RBFOX1: variants seen among roughly 807,000 people sequenced by gnomAD.
The protein encoded by RBFOX1 is RNA binding protein fox-1 homolog 1.
Under a neutral mutation model 57.7 loss-of-function variants are expected in RBFOX1, and 8 were observed. The ratio of observed to expected loss-of-function variants is 0.14; its 90% confidence interval spans 0.08 to 0.25. RBFOX1 has a LOEUF of 0.25. Among genes scored for constraint, RBFOX1 ranks in the 10% least tolerant of loss-of-function variants. The pLI is 1.00. For missense variants in RBFOX1, 611 were observed against 548.5 expected, an observed-to-expected ratio of 1.11 and a Z score of -1.14; for synonymous variants, 326 against 222.4, an observed-to-expected ratio of 1.47 and a Z score of -4.15.
chr16:5,923,530 C>CTTTT (rs71404564), intron 4 of RBFOX1, among the ~76,000 whole-genome samples: 38 of 109,362 alleles, frequency 3.5e-4, no homozygotes, highest in African/African-American at 5.2e-4. Context: ...CAGAGCCAGG[C>CTTTT]TTTTTTTTTT....
chr16:5,703,911 A>G (rs2051143554), intron 3 of RBFOX1, among the ~76,000 whole-genome samples: 1 of 152,186 alleles, frequency 6.6e-6, no homozygotes, highest in Non-Finnish European at 1.5e-5. Flanking sequence ...TCAAAATTTT[A>G]CAGAAATTTA....
intron 2 of RBFOX1, among the ~76,000 whole-genome samples, chr16:5,531,277 G>A (rs1456233598): frequency 6.6e-6 from 1 of 152,188 alleles, no homozygotes; most frequent in Non-Finnish European, 1.5e-5. Flanking sequence ...GTGGGAAGGA[G>A]CATGTATCTT....
chr16:5,616,998 G>A (rs942643970), intron 3 of RBFOX1, among the ~76,000 whole-genome samples: 22 of 151,726 alleles, frequency 1.4e-4, no homozygotes, highest in African/African-American at 4.6e-4. Flanking sequence ...ACTGGCCGGA[G>A]GGCAGTTCCT....
intron 1 of RBFOX1, among the ~76,000 whole-genome samples, chr16:6,101,549 T>C (rs915456448): frequency 1.4e-4 from 21 of 152,226 alleles, no homozygotes; most frequent in Non-Finnish European, 1.3e-4. Context: ...TGCAATGATG[T>C]GATCTTGGCA....
chr16:5,989,761 A>G (rs1458686560), intron 4 of RBFOX1, among the ~76,000 whole-genome samples: 1 of 151,222 alleles, frequency 6.6e-6, no homozygotes, highest in East Asian at 2.0e-4. Context: ...GGTCATGAGA[A>G]TGATCCTGGG....
At chr16:6,010,571 G>A (rs1318319204) in intron 4 of RBFOX1, among the ~76,000 whole-genome samples, 1 of 152,140 alleles carries the variant, frequency 6.6e-6, no homozygotes, top group Non-Finnish European at 1.5e-5. Flanking sequence ...TTATCTCATG[G>A]TCGACTTCTG....
chr16:5,830,266 C>T (rs994950210), intron 3 of RBFOX1, among the ~76,000 whole-genome samples: 8 of 152,242 alleles, frequency 5.3e-5, no homozygotes, highest in African/African-American at 1.4e-4. Flanking sequence ...CTTTCCTATG[C>T]ATTTTATGAT....
chr16:5,420,956 C>A (rs1431367927), intron 1 of RBFOX1, among the ~76,000 whole-genome samples: 1 of 130,654 alleles, frequency 7.7e-6, no homozygotes, highest in African/African-American at 3.0e-5. Flanking sequence ...TGCTTTTCCT[C>A]CTCCTCCTTT....
chr16:7,201,573 C>G (rs144154719), intron 4 of RBFOX1, among the ~76,000 whole-genome samples: 1 of 152,026 alleles, frequency 6.6e-6, no homozygotes. Flanking sequence ...AACGATTTTC[C>G]TGCCTCAGCC....
At chr16:7,118,293 A>AGGT (rs1227216749) in intron 4 of RBFOX1, among the ~76,000 whole-genome samples, 1 of 152,100 alleles carries the variant, frequency 6.6e-6, no homozygotes, top group Non-Finnish European at 1.5e-5. Flanking sequence ...TGGCTGGGTA[A>AGGT]GGTGGTAGCT....
chr16:7,457,737 A>G (rs2058800274), intron 4 of RBFOX1, among the ~76,000 whole-genome samples: 1 of 152,126 alleles, frequency 6.6e-6, no homozygotes, highest in Non-Finnish European at 1.5e-5. Flanking sequence ...GGGACATCTA[A>G]AAACGTTTAT....
intron 1 of RBFOX1, among the ~76,000 whole-genome samples, chr16:6,127,296 A>C (rs2096597023): frequency 6.6e-6 from 1 of 152,038 alleles, no homozygotes; most frequent in Non-Finnish European, 1.5e-5. Context: ...AAAAAAAAAA[A>C]AATTGTTTTC....
intron 3 of RBFOX1, among the ~76,000 whole-genome samples, chr16:5,805,340 G>T (rs749059457): frequency 6.4e-4 from 97 of 152,162 alleles, no homozygotes; most frequent in Non-Finnish European, 1.1e-3. Context: ...ATATAAATTA[G>T]CATCCATAAG....
At chr16:7,022,552 AC>A (rs2153676508) in intron 3 of RBFOX1, among the ~76,000 whole-genome samples, 1 of 152,156 alleles carries the variant, frequency 6.6e-6, no homozygotes, top group African/African-American at 2.4e-5. Flanking sequence ...TTTCATGATA[AC>A]CCTAGTGAAG....
intron 11 of RBFOX1, among the ~76,000 whole-genome samples, chr16:7,635,303 A>G (rs1485440898): frequency 6.6e-6 from 1 of 152,224 alleles, no homozygotes; most frequent in African/African-American, 2.4e-5. Flanking sequence ...CCTTATTTAC[A>G]TATGAAGTAG....
chr16:5,568,790 A>G (rs567129653), intron 2 of RBFOX1, among the ~76,000 whole-genome samples: 2 of 151,978 alleles, frequency 1.3e-5, no homozygotes, highest in African/African-American at 4.8e-5. Context: ...TTGTTTTTTC[A>G]CTCCTCCCAC....
In RBFOX1 at chr16:5,569,438, C is replaced by CTTTTTTTTTTTT; in HGVS notation, c.259-29446_259-29435dup. Among the ~76,000 whole-genome samples the CTTTTTTTTTTTT allele has an allele frequency of 3.8e-3, 188 of 49,202 alleles. 12 individuals carry two copies. Among genetic ancestry groups the CTTTTTTTTTTTT allele is most frequent in the Non-Finnish European group, 5.6e-3 (140 of 25,004 alleles). The allele number at this position is 49,202 out of a possible 152,430, so 32.3% of individuals were successfully genotyped here. A position where few individuals can be genotyped will look rare whatever the true frequency, so the allele number is the denominator to read the frequency against. On this transcript the variant is annotated intron_variant, in intron 2 of 2. Transcript: ENST00000585867. ...GTAAGGGTTAATGATAAGAAGTAAC[C>CTTTTTTTTTTTT]TTTTTTTTTTTTTTTTTTTTTTTTT...
intron 2 of RBFOX1, among the ~76,000 whole-genome samples, chr16:6,536,179 C>G (rs958982520): frequency 6.6e-6 from 1 of 152,298 alleles, no homozygotes; most frequent in South Asian, 2.1e-4. Context: ...TACAGTCTAC[C>G]TCTTGTATAA....
intron 3 of RBFOX1, among the ~76,000 whole-genome samples, chr16:6,885,690 C>G (rs999467968): frequency 6.6e-6 from 1 of 152,028 alleles, no homozygotes; most frequent in Non-Finnish European, 1.5e-5. Flanking sequence ...TGCCACCACA[C>G]TCAGCTAATT....
Sources: allele counts gnomAD v4.1 joint callset (sites outside exome capture counted in the v4.1 genomes callset), GRCh38; gene constraint gnomAD v4.1.1; transcripts MANE v1.5; gene names NCBI Gene and HGNC (gene_info 2026-07-23, HGNC 2026-07-21).